The following DMD variants were observed in gnomAD, a reference collection of about 807,000 sequenced individuals.
DMD encodes mutant dystrophin.
DMD carries 63 observed loss-of-function variants against 330.1 expected under a neutral mutation model. The observed-to-expected ratio is 0.19, with a 90% CI of 0.16 to 0.24. The LOEUF (loss-of-function observed/expected upper bound fraction) is 0.24, where lower values mean the gene tolerates loss of function less well. Among genes scored for constraint, DMD ranks in the 10% least tolerant of loss-of-function variants. The pLI is 1.00. For missense variants in DMD, 3,344 were observed against 2,684.1 expected, an observed-to-expected ratio of 1.25 and a Z score of -5.43; for synonymous variants, 1,223 against 959.8, an observed-to-expected ratio of 1.27 and a Z score of -5.07.
chrX:33,170,480 T>C (rs761706919), intron 1 of DMD, among the ~76,000 whole-genome samples: 144 of 111,281 alleles, frequency 1.3e-3, no homozygotes, highest in African/African-American at 4.2e-3. Flanking sequence ...CTATGAGCAA[T>C]AGAACTATGA....
chrX:32,614,530 A>T (rs2057412171), intron 11 of DMD, 77 bp from the exon 12 acceptor site: 2 of 879,069 alleles, frequency 2.3e-6, no homozygotes, highest in African/African-American at 4.0e-5. Context: ...AAAACAATAG[A>T]ATTTATAATA....
intron 74 of DMD, among the ~76,000 whole-genome samples, chrX:31,167,303 A>G (rs2039520298): frequency 9.0e-6 from 1 of 111,462 alleles, no homozygotes; most frequent in Non-Finnish European, 1.9e-5. Flanking sequence ...TCTTCTCCAT[A>G]GCGTTTGTAA....
At chrX:32,610,855 T>A (rs2057113229) in intron 12 of DMD, among the ~76,000 whole-genome samples, 1 of 111,050 alleles carries the variant, frequency 9.0e-6, no homozygotes, top group Non-Finnish European at 1.9e-5. Context: ...AGAAATTTCC[T>A]TACTTTCAAT....
chrX:32,865,089 A>G (rs1569536352), intron 2 of DMD, among the ~76,000 whole-genome samples: 1 of 111,585 alleles, frequency 9.0e-6, no homozygotes, highest in African/African-American at 3.3e-5. Context: ...AGTTGTGTGA[A>G]CACTGATAAA....
chrX:31,446,198 G>C, intron 59 of DMD, among the ~76,000 whole-genome samples: 1 of 112,442 alleles, frequency 8.9e-6, no homozygotes, highest in East Asian at 2.8e-4. Context: ...TAACACTGTT[G>C]TGTAGTTCTT....
intron 63 of DMD, among the ~76,000 whole-genome samples, chrX:31,236,416 G>A (rs1469117313): frequency 8.9e-6 from 1 of 112,526 alleles, no homozygotes; most frequent in African/African-American, 3.2e-5. Context: ...GTCCACCCCC[G>A]CAATCCTCCT....
intron 18 of DMD, among the ~76,000 whole-genome samples, chrX:32,504,408 G>A (rs1307731902): frequency 9.0e-6 from 1 of 111,148 alleles, no homozygotes; most frequent in Non-Finnish European, 1.9e-5. Flanking sequence ...TGGATCACCT[G>A]AGGTCGGGAG....
intron 43 of DMD, among the ~76,000 whole-genome samples, chrX:32,280,003 C>CTA (rs201801042): frequency 2.6e-4 from 16 of 61,238 alleles, no homozygotes; most frequent in Non-Finnish European, 3.6e-4. Context: ...TATATGTACC[C>CTA]CACATATATA....
intron 7 of DMD, among the ~76,000 whole-genome samples, chrX:32,738,298 AAAAAATCT>A (rs2068785773): frequency 9.0e-6 from 1 of 111,583 alleles, no homozygotes; most frequent in African/African-American, 3.3e-5. Context: ...TATAAAGAAA[AAAAAATCT>A]ATGCAGACAT....
chrX:31,477,047 A>G (rs1249989366), intron 59 of DMD, among the ~76,000 whole-genome samples: 1 of 111,886 alleles, frequency 8.9e-6, no homozygotes, highest in Non-Finnish European at 1.9e-5. Context: ...GAAGTAGGGA[A>G]ATGGAAAACA....
chrX:31,563,926 G>C (rs1451989125), intron 55 of DMD, among the ~76,000 whole-genome samples: 1 of 111,554 alleles, frequency 9.0e-6, no homozygotes, highest in African/African-American at 3.3e-5. Context: ...TTTGGAGATA[G>C]GGTCATTACA....
intron 44 of DMD, among the ~76,000 whole-genome samples, chrX:32,036,538 G>C (rs1164537436): frequency 8.9e-6 from 1 of 111,756 alleles, no homozygotes; most frequent in Non-Finnish European, 1.9e-5. Flanking sequence ...AGCCAGGGAG[G>C]AGAAGCAGAA....
In DMD at chrX:33,250,085, TTATATATATATA is replaced by T. The variant is rs560212408; in HGVS notation, c.7+89162_7+89173del. On this transcript the variant is annotated intron_variant, in intron 1 of 17. Transcript: ENST00000288447. The stretch of plus-strand genomic sequence containing the variant: ...AGCCCACATAGTAGTAAACTATTCA[TTATATATATATA>T]TATATATATATATATCAATGTACAC... 1.2e-3 allele frequency among the ~76,000 whole-genome samples: 89 copies of T among 75,417 alleles called. 1 individual carries two copies. The highest frequency in any genetic ancestry group is 1.9e-3 in the Non-Finnish European group (83 of 43,802). 65.5% of individuals were successfully genotyped at this position (75,417 alleles called of 115,157 possible). A position where few individuals can be genotyped will look rare whatever the true frequency, so the allele number is the denominator to read the frequency against.
At chrX:32,008,109 T>C (rs1323541190) in intron 44 of DMD, among the ~76,000 whole-genome samples, 1 of 111,195 alleles carries the variant, frequency 9.0e-6, no homozygotes, top group Non-Finnish European at 1.9e-5. Context: ...TGGGCTCCGG[T>C]GTGACTATGA....
chrX:32,730,889 T>C (rs1323187697), intron 7 of DMD, among the ~76,000 whole-genome samples: 3 of 111,206 alleles, frequency 2.7e-5, no homozygotes, highest in East Asian at 2.8e-4. Context: ...GGATCAGAAA[T>C]CTGATTTGAG....
At chrX:32,178,985 TCTCCTCCTGCTCCTC>T (rs1199981084) in intron 44 of DMD, among the ~76,000 whole-genome samples, 4 of 103,698 alleles carry the variant, frequency 3.9e-5, no homozygotes, top group Non-Finnish European at 7.9e-5. Context: ...TCTCTCTCCC[TCTCCTCCTGCTCCTC>T]CTCCTCCTGC....
intron 7 of DMD, among the ~76,000 whole-genome samples, chrX:32,705,572 G>A (rs1405684327): frequency 9.0e-6 from 1 of 111,625 alleles, no homozygotes; most frequent in Non-Finnish European, 1.9e-5. Context: ...CCAGCACTTC[G>A]GGAGGACGAG....
At chrX:32,654,724 T>C (rs1360652352) in intron 9 of DMD, among the ~76,000 whole-genome samples, 10 of 112,003 alleles carry the variant, frequency 8.9e-5, no homozygotes, top group Admixed American at 1.9e-4. Context: ...TCAGAAGGAA[T>C]GGTACCAGCT....
At chrX:31,725,471 G>T (rs1463816140) in intron 52 of DMD, among the ~76,000 whole-genome samples, 1 of 111,482 alleles carries the variant, frequency 9.0e-6, no homozygotes, top group East Asian at 2.8e-4. Flanking sequence ...CACCCCAATA[G>T]ATTATAATTA....
Sources: allele counts gnomAD v4.1 joint callset (sites outside exome capture counted in the v4.1 genomes callset), GRCh38; gene constraint gnomAD v4.1.1; transcripts MANE v1.5; gene names NCBI Gene and HGNC (gene_info 2026-07-23, HGNC 2026-07-21).